Variants in MCTP1 observed in about 807,000 individuals in gnomAD.
MCTP1 encodes multiple C2 and transmembrane domain-containing protein 1.
Under a neutral mutation model 120.6 loss-of-function variants are expected in MCTP1, and 69 were observed. The observed-to-expected ratio is 0.57, with a 90% CI of 0.47 to 0.70. The LOEUF is 0.70. MCTP1 is among the 30% of genes least tolerant of loss of function. The pLI is 0.00. For missense variants in MCTP1, 1,203 were observed against 1,248.8 expected (o/e 0.96, Z 0.55); for synonymous variants, 529 against 493.1 (o/e 1.07, Z -0.96).
intron 17 of MCTP1, among the ~76,000 whole-genome samples, chr5:94,838,648 TTAG>T (rs1260984344): frequency 6.6e-6 from 1 of 152,226 alleles, no homozygotes; most frequent in African/African-American, 2.4e-5. Context: ...CTCTATCATA[TTAG>T]TAGATCTGCT....
chr5:95,024,926 C>A (rs187678029), intron 1 of MCTP1, among the ~76,000 whole-genome samples: 57 of 152,084 alleles, frequency 3.7e-4, no homozygotes, highest in Admixed American at 2.2e-3. Context: ...AGATGACACA[C>A]AAGAAAGGAA....
rs150681439 is a variant in MCTP1 at position 95,261,007 on chromosome 5, T to TA, written c.720+22848dup. Among the ~76,000 whole-genome samples the TA allele has an allele frequency of 3.8e-3, 579 of 152,330 alleles. 5 individuals carry two copies. Among genetic ancestry groups the TA allele is most frequent in the African/African-American group, 0.012 (503 of 41,564 alleles). ...CTTTTTAAAAAGTTAAAATAACACA[T>TA]ATTATGCACAGTAGCTAACCCAAAG... On this transcript the variant is annotated intron_variant, in intron 1 of 22. Coordinates refer to ENST00000515393, the MANE Select transcript of MCTP1 (RefSeq NM_024717.7).
chr5:94,990,842 G>T (rs945779372), intron 2 of MCTP1, among the ~76,000 whole-genome samples: 3 of 152,026 alleles, frequency 2.0e-5, no homozygotes, highest in African/African-American at 7.2e-5. Context: ...CCAGTCAGAG[G>T]TTCAAGGCAC....
chr5:95,159,945 T>C lies in MCTP1; in HGVS notation c.720+123911A>G, dbSNP rs551449218. Among the ~76,000 whole-genome samples, 214 of 152,014 alleles carry C rather than the reference T, an allele frequency of 1.4e-3. 2 individuals carry two copies. The highest frequency in any genetic ancestry group is 4.9e-3 in the African/African-American group (205 of 41,476). ...CCATATGCAAAAGAGTCAACACACC[T>C]GGAAATATATGAAGGCGTGAGAACA... On this transcript the variant is annotated intron_variant, in intron 1 of 22. Coordinates refer to ENST00000515393, the MANE Select transcript of MCTP1 (RefSeq NM_024717.7).
At chr5:94,965,624 A>G (rs780471117) in intron 2 of MCTP1, among the ~76,000 whole-genome samples, 3 of 152,202 alleles carry the variant, frequency 2.0e-5, no homozygotes, top group Non-Finnish European at 1.5e-5. Flanking sequence ...TATTTGTTAA[A>G]TAAGTAAATG....
chr5:95,194,404 C>A (rs752978780), intron 1 of MCTP1, among the ~76,000 whole-genome samples: 2 of 151,974 alleles, frequency 1.3e-5, no homozygotes, highest in East Asian at 1.9e-4. Flanking sequence ...CCATGGTGAA[C>A]GGGAAACTGA....
rs371084870 is a variant in MCTP1, at chr5:95,281,809, T to C, written c.720+2047A>G. ...TTATGATAGCTAATCCATCATAGAATTGATTGTATATAGGGATGGGGAAAA... is the reference window on the plus strand; with the variant it reads ...TTATGATAGCTAATCCATCATAGAACTGATTGTATATAGGGATGGGGAAAA... On this transcript the variant is annotated intron_variant, in intron 1 of 22. Coordinates refer to ENST00000515393, the MANE Select transcript of MCTP1 (RefSeq NM_024717.7). 2.6e-5 allele frequency among the ~76,000 whole-genome samples: 4 copies of C among 152,202 alleles called. No homozygotes were observed. In the East Asian group the frequency reaches 5.8e-4, roughly 22 times the overall value.
chr5:95,035,610 A>G (rs750342045), intron 1 of MCTP1, among the ~76,000 whole-genome samples: 1 of 152,052 alleles, frequency 6.6e-6, no homozygotes, highest in Non-Finnish European at 1.5e-5. Flanking sequence ...AAAACTACTT[A>G]TTGGGTACTA....
intron 2 of MCTP1, among the ~76,000 whole-genome samples, chr5:94,991,799 C>T (rs1320466968): frequency 1.3e-5 from 2 of 151,880 alleles, no homozygotes; most frequent in Non-Finnish European, 2.9e-5. Context: ...ATCGCTTGAA[C>T]CCAGGAGGTG....
chr5:94,958,280 G>A (rs1408126578), intron 2 of MCTP1, among the ~76,000 whole-genome samples: 3 of 152,146 alleles, frequency 2.0e-5, no homozygotes, highest in African/African-American at 4.8e-5. Context: ...TGTGTAGAGG[G>A]AAATTTATAG....
At chr5:95,164,728 G>A (rs1270897407) in intron 1 of MCTP1, among the ~76,000 whole-genome samples, 1 of 152,110 alleles carries the variant, frequency 6.6e-6, no homozygotes, top group Non-Finnish European at 1.5e-5. Context: ...TGGGTATACT[G>A]TATTTTTATT....
chr5:94,754,376 T>C (rs1769235343), intron 19 of MCTP1, among the ~76,000 whole-genome samples: 2 of 152,182 alleles, frequency 1.3e-5, no homozygotes, highest in Admixed American at 1.3e-4. Context: ...CTATGCATAG[T>C]AAAAAGTCTT....
intron 17 of MCTP1, among the ~76,000 whole-genome samples, chr5:94,801,912 C>T (rs1781317815): frequency 2.0e-5 from 3 of 152,204 alleles, no homozygotes; most frequent in African/African-American, 7.2e-5. Flanking sequence ...CCATTGTAGT[C>T]ATCTTCCTCT....
intron 19 of MCTP1, among the ~76,000 whole-genome samples, chr5:94,767,825 C>T (rs1359959104): frequency 5.9e-5 from 9 of 152,160 alleles, no homozygotes; most frequent in Admixed American, 5.9e-4. Flanking sequence ...AATGACTATA[C>T]TACACAAAGC....
chr5:94,750,069 C>A (rs1324693262), intron 19 of MCTP1, among the ~76,000 whole-genome samples: 3 of 152,212 alleles, frequency 2.0e-5, no homozygotes, highest in Non-Finnish European at 2.9e-5. Flanking sequence ...GAAGAACTTG[C>A]TGAATGAGAA....
chr5:94,973,378 G>T (rs550590301), intron 2 of MCTP1, among the ~76,000 whole-genome samples: 12 of 152,292 alleles, frequency 7.9e-5, no homozygotes, highest in African/African-American at 1.7e-4. Flanking sequence ...AGACAAGATT[G>T]TATACTAGGG....
At chr5:94,737,226 A>G (rs12109404) in intron 19 of MCTP1, among the ~76,000 whole-genome samples, 38,418 of 146,288 alleles carry the variant, frequency 0.26, 5,044 homozygotes, top group East Asian at 0.39. Context: ...TTTATCTCAG[A>G]GGAGGAGGGA....
chr5:94,976,539 T>G (rs1489941696), intron 2 of MCTP1, among the ~76,000 whole-genome samples: 1 of 152,152 alleles, frequency 6.6e-6, no homozygotes, highest in African/African-American at 2.4e-5. Flanking sequence ...TTTGATTGAT[T>G]GATTGATTGA....
intron 1 of MCTP1, among the ~76,000 whole-genome samples, chr5:95,205,694 A>C (rs1751545549): frequency 6.6e-6 from 1 of 152,182 alleles, no homozygotes; most frequent in Non-Finnish European, 1.5e-5. Flanking sequence ...TAATGTAAAA[A>C]CTAATGAGCC....
Sources: gnomAD v4.1 joint callset for allele counts (sites outside exome capture counted in the v4.1 genomes callset) on GRCh38, gnomAD v4.1.1 for gene constraint, MANE v1.5 for transcripts, NCBI Gene and HGNC (gene_info 2026-07-23, HGNC 2026-07-21) for gene names.